PCDHA9: variants seen among roughly 807,000 people sequenced by gnomAD.
PCDHA9 encodes protocadherin alpha 9, also known as protocadherin alpha-9.
In PCDHA9, 62 loss-of-function variants were observed where a neutral mutation model predicts 62.0. The ratio of observed to expected loss-of-function variants is 1.00; its 90% CI spans 0.81 to 1.23. PCDHA9 has a LOEUF of 1.23. PCDHA9 is among the 50% of genes most tolerant of loss of function. PCDHA9 has a pLI of 0.00. For synonymous variants in PCDHA9, 557 were observed against 567.6 expected (o/e 0.98, Z 0.27); for missense variants, 1,205 against 1,249.8 (o/e 0.96, Z 0.54).
chr5:140,930,781 CAATAT>C (rs1259470112), intron 1 of PCDHA9, among the ~76,000 whole-genome samples: 2 of 152,048 alleles, frequency 1.3e-5, no homozygotes, highest in African/African-American at 4.8e-5. Context: ...AATATTTTCA[CAATAT>C]AATAGAATCC....
intron 1 of PCDHA9, chr5:140,856,779 C>T (rs1554149103): frequency 6.3e-7 from 1 of 1,596,160 alleles, no homozygotes; most frequent in East Asian, 2.2e-5. Context: ...TTTGACAGAC[C>T]GGTTTATGAA....
intron 1 of PCDHA9, chr5:140,968,978 G>A: frequency 1.9e-6 from 3 of 1,614,212 alleles, no homozygotes; most frequent in Non-Finnish European, 1.7e-6. Flanking sequence ...CACTGCGTAT[G>A]GCACTGCATG....
intron 1 of PCDHA9, among the ~76,000 whole-genome samples, chr5:140,911,327 C>T (rs2153517846): frequency 6.6e-6 from 1 of 152,324 alleles, no homozygotes; most frequent in South Asian, 2.1e-4. Context: ...GGATCCCATT[C>T]TTTTCCAATC....
chr5:140,950,254 T>C (rs1554219388), intron 1 of PCDHA9, among the ~76,000 whole-genome samples: 1 of 152,040 alleles, frequency 6.6e-6, no homozygotes. Context: ...CCTAAAGAGC[T>C]GAGTTTATCC....
chr5:140,871,358 A>T, intron 1 of PCDHA9: 6 of 1,614,208 alleles, frequency 3.7e-6, no homozygotes, highest in Non-Finnish European at 5.1e-6. Context: ...TACTCGCAGC[A>T]GAGGCGGCAG....
chr5:140,966,240 G>A (rs1372436745), intron 1 of PCDHA9: 3 of 306,008 alleles, frequency 9.8e-6, no homozygotes, highest in Non-Finnish European at 1.8e-5. Flanking sequence ...GACCCGTTAA[G>A]CAGGGGAGAG....
intron 1 of PCDHA9, among the ~76,000 whole-genome samples, chr5:140,893,868 AGATC>A (rs1369386852): frequency 1.3e-5 from 2 of 152,168 alleles, no homozygotes; most frequent in Non-Finnish European, 2.9e-5. Context: ...GAAACAACCC[AGATC>A]CAAAGTGGCC....
intron 1 of PCDHA9, among the ~76,000 whole-genome samples, chr5:140,907,411 G>A (rs1053744231): frequency 8.5e-5 from 13 of 152,192 alleles, no homozygotes; most frequent in Admixed American, 2.6e-4. Flanking sequence ...GGAATACCAC[G>A]ATGGTGGATA....
Position 140,880,405 on chromosome 5 carries a change from G to T in PCDHA9, c.2394+29516G>T, listed in dbSNP as rs183953148. Among the ~76,000 whole-genome samples, 426 of 152,300 alleles carry T rather than the reference G, an allele frequency of 2.8e-3. 2 individuals carry two copies. The highest frequency in any genetic ancestry group is 0.014 in the Middle Eastern group (4 of 294). On this transcript the variant is annotated intron_variant, in intron 1 of 3. Coordinates refer to ENST00000532602, the MANE Select transcript of PCDHA9 (RefSeq NM_031857.2). ...AAATAATTTTTAAGAGCATATGGTTGACCTTAAAAGCGGGAACAGTTTTTC... is the reference window on the plus strand; with the variant it reads ...AAATAATTTTTAAGAGCATATGGTTTACCTTAAAAGCGGGAACAGTTTTTC...
At chr5:140,999,933 A>T (rs1554257043) in intron 3 of PCDHA9, among the ~76,000 whole-genome samples, 1 of 152,124 alleles carries the variant, frequency 6.6e-6, no homozygotes, top group African/African-American at 2.4e-5. Context: ...AGCTCAACTC[A>T]TTCCACCCAA....
rs578208339 is a variant in PCDHA9 at position 141,001,194 on chromosome 5, C to G, written c.2543-8433C>G. Among the ~76,000 whole-genome samples the G allele has an allele frequency of 1.1e-4, 17 of 152,218 alleles. 1 individual carries two copies. In the South Asian group the frequency reaches 3.3e-3, roughly 30 times the overall value. On this transcript the variant is annotated intron_variant, in intron 3 of 3. Coordinates refer to ENST00000532602, the MANE Select transcript of PCDHA9 (RefSeq NM_031857.2). ...ACGAGTTTTTACTTTGCACCATGCA[C>G]TTATGCTATGTGCTGTATAAGGATA...
chr5:140,987,277 A>C (rs1326809190), intron 3 of PCDHA9, among the ~76,000 whole-genome samples: 2 of 152,122 alleles, frequency 1.3e-5, no homozygotes, highest in African/African-American at 4.8e-5. Flanking sequence ...CCGGCAGTCT[A>C]TGTTTTAACA....
rs189901944 is a variant in PCDHA9, at chr5:140,916,206, G to A, written c.2395-62743G>A. 4.6e-3 allele frequency among the ~76,000 whole-genome samples: 705 copies of A among 152,282 alleles called. 3 individuals carry two copies. The highest frequency in any genetic ancestry group is 0.016 in the African/African-American group (682 of 41,562). ...AGGAAGTGGGCACCCCTCTGCCCTG[G>A]GGAAGATCCAAATATGCTTTCCAGG... On this transcript the variant is annotated intron_variant, in intron 1 of 3. Transcript: ENST00000532602.
intron 1 of PCDHA9, among the ~76,000 whole-genome samples, chr5:140,915,139 G>C (rs2153533338): frequency 6.6e-6 from 1 of 151,944 alleles, no homozygotes; most frequent in Non-Finnish European, 1.5e-5. Flanking sequence ...AGTAGAGACG[G>C]GGTTTCACCA....
chr5:140,856,162 C>T (rs782071685), intron 1 of PCDHA9: 7 of 1,598,320 alleles, frequency 4.4e-6, no homozygotes, highest in Non-Finnish European at 6.0e-6. Context: ...ACGAGGAGGC[C>T]AGACACGGCA....
intron 1 of PCDHA9, among the ~76,000 whole-genome samples, chr5:140,893,162 G>A (rs2063851714): frequency 6.6e-6 from 1 of 152,202 alleles, no homozygotes; most frequent in Non-Finnish European, 1.5e-5. Flanking sequence ...GGATATTGAG[G>A]TTGATTCCAC....
intron 3 of PCDHA9, among the ~76,000 whole-genome samples, chr5:140,997,680 G>A (rs954561672): frequency 6.6e-6 from 1 of 151,954 alleles, no homozygotes; most frequent in African/African-American, 2.4e-5. Context: ...GTGTGTGTGT[G>A]TGTGTGTGTG....
intron 1 of PCDHA9, chr5:140,870,439 G>C (rs374343977): frequency 6.2e-7 from 1 of 1,614,126 alleles, no homozygotes; most frequent in African/African-American, 1.3e-5. Flanking sequence ...GGAGGTGGCC[G>C]ACGTGAACGA....
intron 1 of PCDHA9, chr5:140,858,163 G>A (rs756100804): frequency 1.3e-6 from 2 of 1,597,890 alleles, no homozygotes; most frequent in Non-Finnish European, 1.7e-6. Context: ...TCTGCGCGGT[G>A]TCCAGCTTGC....
Sources: gnomAD v4.1 joint callset for allele counts (sites outside exome capture counted in the v4.1 genomes callset) on GRCh38, gnomAD v4.1.1 for gene constraint, MANE v1.5 for transcripts, NCBI Gene and HGNC (gene_info 2026-07-23, HGNC 2026-07-21) for gene names.